PRICKLE1: variants seen among roughly 807,000 people sequenced by gnomAD.
PRICKLE1 encodes the protein prickle planar cell polarity protein 1, also known as prickle-like protein 1.
A neutral mutation model predicts 70.2 loss-of-function variants in PRICKLE1; 14 were observed. That is an observed-to-expected ratio of 0.20 (90% CI 0.13 to 0.31). The LOEUF is 0.31. PRICKLE1 is among the 10% of genes least tolerant of loss of function. The probability of loss-of-function intolerance (pLI) is 1.00; values close to 1 mark genes in which losing one functional copy is unlikely to be tolerated. For synonymous variants in PRICKLE1, 357 were observed against 379.9 expected, an observed-to-expected ratio of 0.94 and a Z score of 0.70; for missense variants, 821 against 1,026.2, an observed-to-expected ratio of 0.80 and a Z score of 2.73.
intron 1 of PRICKLE1, among the ~76,000 whole-genome samples, chr12:42,504,545 CTGAA>C (rs1332320835): frequency 6.6e-6 from 1 of 152,068 alleles, no homozygotes; most frequent in Admixed American, 6.6e-5. Flanking sequence ...GTTGAAACTG[CTGAA>C]TGAGATTTGT....
intron 5 of PRICKLE1, 137 bp downstream of exon 5, chr12:42,468,489 A>G: frequency 1.2e-6 from 1 of 819,068 alleles, no homozygotes. Flanking sequence ...CATTGTATGA[A>G]TGTACAGGAT....
chr12:42,483,540 G>C (rs1938884795), intron 1 of PRICKLE1: 1 of 151,996 alleles, frequency 6.6e-6, no homozygotes, highest in African/African-American at 2.4e-5. Flanking sequence ...GGTGCCCTAC[G>C]AGTCACCCGC....
At chr12:42,475,628 A>G (rs1375828743) in intron 1 of PRICKLE1, among the ~76,000 whole-genome samples, 1 of 151,980 alleles carries the variant, frequency 6.6e-6, no homozygotes, top group Non-Finnish European at 1.5e-5. Context: ...CACGGAAGGC[A>G]TTTTAAGGAT....
intron 7 of PRICKLE1, among the ~76,000 whole-genome samples, chr12:42,461,410 T>C (rs934583979): frequency 1.3e-5 from 2 of 152,238 alleles, no homozygotes; most frequent in African/African-American, 4.8e-5. Context: ...CCTCATCTTA[T>C]ACTGAGGCTA....
Position 42,565,150 on chromosome 12 carries a change from C to G in PRICKLE1, c.-49+24315G>C, listed in dbSNP as rs117337857. 4.1e-3 allele frequency among the ~76,000 whole-genome samples: 625 copies of G among 152,288 alleles called. 9 individuals are homozygous for G. In the South Asian group the frequency reaches 0.044, roughly 11 times the overall value. On this transcript the variant is annotated intron_variant, in intron 1 of 7. Coordinates refer to ENST00000345127, the MANE Select transcript of PRICKLE1 (RefSeq NM_153026.3). ...CCAGAGTTCTGGGAGCAGCAGCTCT[C>G]CCAGTACTGGGGGAACCCCGGCCAG... is the stretch of plus-strand genomic sequence containing the variant.
chr12:42,465,119 C>T lies in PRICKLE1; in HGVS notation c.915G>A (p.Thr305=), dbSNP rs150052192. 7.8e-5 allele frequency: 123 copies of T among 1,570,394 alleles called. No individual in the cohort carries two copies. In the African/African-American group the frequency reaches 1.0e-3, roughly 13 times the overall value. The part of the protein sequence containing the change: ...PKQGQIYCSK[T]CSLGEDVHAS... ...CATGGACGTCTTCACCAAGACTGCA[C>T]GTTTTTGAGCAGTAAATCTGACCCT... Residue 305 remains threonine, a synonymous_variant, in exon 7 of 8, where the codon ACG becomes ACA. Transcript: ENST00000345127.
chr12:42,583,171 G>C (rs1458485302), intron 1 of PRICKLE1, among the ~76,000 whole-genome samples: 1 of 152,094 alleles, frequency 6.6e-6, no homozygotes, highest in East Asian at 1.9e-4. Flanking sequence ...GTGTGTGTGT[G>C]TGTGTGTACA....
At chr12:42,473,812 T>C (rs1938415222) in intron 1 of PRICKLE1, among the ~76,000 whole-genome samples, 1 of 142,232 alleles carries the variant, frequency 7.0e-6, no homozygotes, top group African/African-American at 2.6e-5. Flanking sequence ...TAAACATTCT[T>C]CCATCTCAGG....
chr12:42,545,807 G>A (rs1189962897), intron 1 of PRICKLE1, among the ~76,000 whole-genome samples: 3 of 151,090 alleles, frequency 2.0e-5, no homozygotes, highest in East Asian at 3.9e-4. Context: ...CCGAGATTGC[G>A]CCATTGCACT....
At chr12:42,583,504 C>T (rs868260404) in intron 1 of PRICKLE1, among the ~76,000 whole-genome samples, 12 of 152,154 alleles carry the variant, frequency 7.9e-5, no homozygotes, top group African/African-American at 2.9e-4. Context: ...AGTTTAACCT[C>T]ACACCTTCTC....
intron 1 of PRICKLE1, among the ~76,000 whole-genome samples, chr12:42,565,188 G>A (rs987012270): frequency 2.6e-5 from 4 of 152,166 alleles, no homozygotes; most frequent in Non-Finnish European, 1.5e-5. Flanking sequence ...CAGCACATCT[G>A]GGGTAGAGCC....
At chr12:42,477,482 G>GTGTGTATATATATATATA (rs1350601331) in intron 1 of PRICKLE1, among the ~76,000 whole-genome samples, 1 of 116,384 alleles carries the variant, frequency 8.6e-6, no homozygotes, top group Non-Finnish European at 1.8e-5. Flanking sequence ...GTGTGTGTGT[G>GTGTGTATATATATATATA]TATATATATA....
chr12:42,504,977 T>C (rs1939381630), intron 1 of PRICKLE1, among the ~76,000 whole-genome samples: 1 of 151,970 alleles, frequency 6.6e-6, no homozygotes, highest in Non-Finnish European at 1.5e-5. Flanking sequence ...CGGTCTCTAC[T>C]AAAAATACAA....
intron 7 of PRICKLE1, among the ~76,000 whole-genome samples, chr12:42,462,203 T>C (rs1303824181): frequency 6.6e-6 from 1 of 151,048 alleles, no homozygotes; most frequent in East Asian, 2.0e-4. Context: ...GTTTAATTCT[T>C]TTATTTATTT....
At chr12:42,581,360 G>A (rs1032931625) in intron 1 of PRICKLE1, among the ~76,000 whole-genome samples, 3 of 151,884 alleles carry the variant, frequency 2.0e-5, no homozygotes, top group Non-Finnish European at 4.4e-5. Flanking sequence ...GGCTTTTTCT[G>A]TACTATTATA....
At position 42,538,499 on chromosome 12, in the gene PRICKLE1, T is replaced by G. The variant is rs1940052318; in HGVS notation, c.-49+50966A>C. ...GAAGGTAGGGGTGCGGGGGTGGAAGTGTTGACATTTTACAATACTAATAAA... is the reference window on the plus strand; with the variant it reads ...GAAGGTAGGGGTGCGGGGGTGGAAGGGTTGACATTTTACAATACTAATAAA... On this transcript the variant is annotated intron_variant, in intron 1 of 7. Transcript: ENST00000345127. Among the ~76,000 whole-genome samples the G allele has an allele frequency of 3.3e-5, 5 of 152,246 alleles. No homozygotes were observed. The South Asian group carries it at 1.0e-3, about 32-fold the overall frequency.
intron 1 of PRICKLE1, among the ~76,000 whole-genome samples, chr12:42,501,229 G>A (rs952476560): frequency 6.6e-6 from 1 of 152,146 alleles, no homozygotes; most frequent in Non-Finnish European, 1.5e-5. Context: ...GCAAGGCCGG[G>A]TGCGGTGGCT....
rs975865112 is a variant in PRICKLE1 at position 42,456,977 on chromosome 12, A to G, written c.*2832T>C. 1 of 152,190 alleles carries G rather than the reference A, an allele frequency of 6.6e-6. No individual in the cohort carries two copies. The allele number at this position is 152,190 out of a possible 1,614,324, so 9.4% of individuals were successfully genotyped here. On this transcript the variant is annotated 3_prime_UTR_variant, in exon 8 of 8. Coordinates refer to ENST00000345127, the MANE Select transcript of PRICKLE1 (RefSeq NM_153026.3). ...ATCACCTGAAGGTCAGGAGTTCGAG[A>G]CCAGCCTGGCCAACTTGGTGAAACA...
At chr12:42,516,634 A>G (rs1939616798) in intron 1 of PRICKLE1, among the ~76,000 whole-genome samples, 1 of 152,074 alleles carries the variant, frequency 6.6e-6, no homozygotes, top group African/African-American at 2.4e-5. Context: ...CTACCTGTTC[A>G]TATTTAATAG....
Sources: gnomAD v4.1 joint callset for allele counts (sites outside exome capture counted in the v4.1 genomes callset) on GRCh38, gnomAD v4.1.1 for gene constraint, MANE v1.5 for transcripts, NCBI Gene and HGNC (gene_info 2026-07-23, HGNC 2026-07-21) for gene names.